The following BTBD1 variants were observed in gnomAD, a reference collection of about 807,000 sequenced individuals.
The protein encoded by BTBD1 is BTB/POZ domain-containing protein 1.
In BTBD1, 34 loss-of-function variants were observed where a neutral mutation model predicts 48.0. The ratio of observed to expected loss-of-function variants is 0.71; its 90% CI spans 0.54 to 0.94. BTBD1 has a LOEUF of 0.94. BTBD1 is among the 40% of genes least tolerant of loss of function. The pLI is 0.00. For synonymous variants in BTBD1, 261 were observed against 242.1 expected (o/e 1.08, Z -0.72); for missense variants, 543 against 625.6 (o/e 0.87, Z 1.41).
intron 3 of BTBD1, chr15:83,044,579 G>C: frequency 1.3e-6 from 2 of 1,597,168 alleles, no homozygotes; most frequent in Non-Finnish European, 1.7e-6. Context: ...TGGGAGAGAA[G>C]TTTGAAGAAA....
At chr15:83,030,028 T>C in intron 5 of BTBD1, 108 bp downstream of exon 5, 1 of 1,021,182 alleles carries the variant, frequency 9.8e-7, no homozygotes, top group Admixed American at 2.1e-5. Context: ...GTGTATTAAA[T>C]GAAGTATAAA....
In BTBD1 at chr15:83,054,532, A is replaced by C. The variant is rs142758486; in HGVS notation, c.558+1857T>G. 2.4e-3 allele frequency among the ~76,000 whole-genome samples: 366 copies of C among 151,514 alleles called. 1 individual carries two copies. The highest frequency in any genetic ancestry group is 6.9e-3 in the Middle Eastern group (2 of 290). On this transcript the variant is annotated intron_variant, in intron 2 of 7. Transcript: ENST00000261721. The stretch of plus-strand genomic sequence containing the variant: ...GTAACTACAAATACCTCATGAGAGA[A>C]GATGTTTTTAAAAGGTACCAAACAT...
At chr15:83,033,668 C>T (rs1425214218) in intron 4 of BTBD1, among the ~76,000 whole-genome samples, 1 of 152,158 alleles carries the variant, frequency 6.6e-6, no homozygotes, top group Non-Finnish European at 1.5e-5. Flanking sequence ...CAGCCTTGAA[C>T]TCCTGGGCTC....
Position 83,052,477 on chromosome 15 carries a change from T to TAATC in BTBD1, c.559-2303_559-2300dup, listed in dbSNP as rs1270270362. On this transcript the variant is annotated intron_variant, in intron 2 of 7. Coordinates refer to ENST00000261721, the MANE Select transcript of BTBD1 (RefSeq NM_025238.4). ...TTAACATCAATACAATATCTTTACCTAATCCACTGGCTGTATTTCAGTTTT... is the reference window on the plus strand; with the variant it reads ...TTAACATCAATACAATATCTTTACCTAATCAATCCACTGGCTGTATTTCAGTTTT... 2.0e-5 allele frequency among the ~76,000 whole-genome samples: 3 copies of TAATC among 152,296 alleles called. No individual in the cohort carries two copies. The East Asian group carries it at 5.8e-4, about 29-fold the overall frequency.
At chr15:83,056,013 G>A (rs1022340350) in intron 2 of BTBD1, among the ~76,000 whole-genome samples, 2 of 151,916 alleles carry the variant, frequency 1.3e-5, no homozygotes, top group Non-Finnish European at 2.9e-5. Flanking sequence ...CAATTCAAGC[G>A]ATTCTTCTGC....
rs1489849330 is a variant in BTBD1, at chr15:83,042,871, G to A, written c.665-946C>T. 2.6e-5 allele frequency among the ~76,000 whole-genome samples: 4 copies of A among 152,208 alleles called. No homozygotes were observed. In the South Asian group the frequency reaches 8.3e-4, roughly 32 times the overall value. On this transcript the variant is annotated intron_variant, in intron 3 of 7. Transcript: ENST00000261721. ...AAAATAGGAAGGGGCCAGGCATGGTGACCCATGCCAGTAGTCCCAGCAATT... is the reference window on the plus strand; with the variant it reads ...AAAATAGGAAGGGGCCAGGCATGGTAACCCATGCCAGTAGTCCCAGCAATT...
Position 83,056,559 on chromosome 15 carries a change from G to A in BTBD1, c.402-14C>T, listed in dbSNP as rs1172905176. The A allele has an allele frequency of 1.2e-6, 2 of 1,610,412 alleles. No homozygotes were observed. The highest frequency in any genetic ancestry group is 1.3e-5 in the African/African-American group (1 of 74,860). ...GAATATAGAAATCTGGAAAACAATT[G>A]GCATATTTGCAGAGATGGTCAGTAA... On this transcript the variant is annotated splice_polypyrimidine_tract_variant and intron_variant, in intron 1 of 7. Coordinates refer to ENST00000261721, the MANE Select transcript of BTBD1 (RefSeq NM_025238.4).
intron 3 of BTBD1, among the ~76,000 whole-genome samples, chr15:83,043,572 G>T (rs1040884969): frequency 2.0e-5 from 3 of 152,208 alleles, no homozygotes; most frequent in African/African-American, 7.2e-5. Context: ...CCAGGTCAGG[G>T]ATGGTGGCCT....
chr15:83,045,975 C>T (rs568412201), intron 3 of BTBD1, among the ~76,000 whole-genome samples: 4 of 152,140 alleles, frequency 2.6e-5, no homozygotes, highest in Admixed American at 2.6e-4. Context: ...CTGTAAGAAA[C>T]AGTATCTCTT....
At chr15:83,021,068 A>G (rs541770686) in intron 5 of BTBD1, among the ~76,000 whole-genome samples, 1 of 152,226 alleles carries the variant, frequency 6.6e-6, no homozygotes, top group African/African-American at 2.4e-5. Flanking sequence ...ATGAACGCAG[A>G]CATCTCAGCC....
At position 83,018,091 on chromosome 15, in the gene BTBD1, A is replaced by C; in HGVS notation, c.1425T>G (p.Ile475Met). ...NNGTSIEDGQ[I>M]PEIIFYT is the part of the protein sequence containing the mutation. Reference sequence around the variant, plus strand: ...ATTATGTATAAAATATGATTTCTGGAATTTGTCCATCTTCTATTGAAGTGC... The same window carrying C: ...ATTATGTATAAAATATGATTTCTGGCATTTGTCCATCTTCTATTGAAGTGC... The change falls in exon 8 of 8, where the codon ATT (isoleucine) becomes ATG (methionine). Residue 475 changes from isoleucine to methionine, a missense_variant. Physicochemically the swap from Ile to Met is conservative, Grantham distance 10. This residue lies in a region of BTBD1 where 300 missense variants were observed against 350.0 expected (regional missense o/e 0.86). Coordinates refer to ENST00000261721, the MANE Select transcript of BTBD1 (RefSeq NM_025238.4). The C allele has an allele frequency of 6.2e-7, 1 of 1,605,542 alleles. No homozygotes were observed. The highest frequency in any genetic ancestry group is 1.3e-5 in the African/African-American group (1 of 74,736).
At chr15:83,056,325 G>A in intron 2 of BTBD1, 64 bp downstream of exon 2, 3 of 1,002,504 alleles carry the variant, frequency 3.0e-6, no homozygotes, top group Non-Finnish European at 4.5e-6. Context: ...AATATTAAAT[G>A]CCCATATATA....
chr15:83,054,354 GA>G (rs374388450), intron 2 of BTBD1, among the ~76,000 whole-genome samples: 1 of 151,466 alleles, frequency 6.6e-6, no homozygotes, highest in Non-Finnish European at 1.5e-5. Flanking sequence ...AGAGAAAAAA[GA>G]AAAAAAGGGA....
At position 83,056,395 on chromosome 15, in the gene BTBD1, A is replaced by C. The variant is rs779275843; in HGVS notation, c.552T>G (p.Leu184=). The change falls in exon 2 of 8, where the codon CTT becomes CTG. Residue 184 remains leucine, a synonymous_variant. Coordinates refer to ENST00000261721, the MANE Select transcript of BTBD1 (RefSeq NM_025238.4). ...CTTAGCTACATTTACTTACCTGAGT[A>C]AGTAACATAAAGGCATTATCTGCCC... The part of the protein sequence containing the change: ...HLRADNAFML[L]TQARLFDEPQ... 1.6e-5 allele frequency: 25 copies of C among 1,612,072 alleles called. No individual in the cohort carries two copies. The East Asian group carries it at 5.6e-4, about 36-fold the overall frequency.
At chr15:83,018,531 G>C (rs1164538356) in intron 7 of BTBD1, among the ~76,000 whole-genome samples, 176 bp downstream of exon 7, 1 of 152,190 alleles carries the variant, frequency 6.6e-6, no homozygotes, top group Non-Finnish European at 1.5e-5. Context: ...ATTTCTTTCA[G>C]AACAGAGCTG....
chr15:83,051,576 G>A (rs545395359), intron 2 of BTBD1, among the ~76,000 whole-genome samples: 1 of 150,914 alleles, frequency 6.6e-6, no homozygotes, highest in East Asian at 1.9e-4. Context: ...TATACACTGA[G>A]CCTGTTTACA....
intron 4 of BTBD1, among the ~76,000 whole-genome samples, chr15:83,033,295 C>T (rs77998253): frequency 6.6e-6 from 1 of 151,944 alleles, no homozygotes; most frequent in Non-Finnish European, 1.5e-5. Flanking sequence ...AGTATCCTAC[C>T]TGTTTTAAAA....
chr15:83,040,841 T>G (rs1431401255), intron 4 of BTBD1, among the ~76,000 whole-genome samples: 2 of 151,886 alleles, frequency 1.3e-5, no homozygotes, highest in Admixed American at 1.3e-4. Context: ...AAAACAGATC[T>G]GTCTGATTTT....
At position 83,027,922 on chromosome 15, in the gene BTBD1, G is replaced by A. The variant is rs188131706; in HGVS notation, c.1055+2214C>T. Among the ~76,000 whole-genome samples the A allele has an allele frequency of 7.6e-3, 1,153 of 152,238 alleles. 10 individuals carry two copies. The highest frequency in any genetic ancestry group is 9.1e-3 in the Non-Finnish European group (622 of 68,020). Reference sequence around the variant, plus strand: ...GCCTTCCAGTGTTGTCCTGCCCAAAGTCTATGTATTGAACTACATATTTTA... The same window carrying A: ...GCCTTCCAGTGTTGTCCTGCCCAAAATCTATGTATTGAACTACATATTTTA... On this transcript the variant is annotated intron_variant, in intron 5 of 7. Coordinates refer to ENST00000261721, the MANE Select transcript of BTBD1 (RefSeq NM_025238.4).
Sources: gnomAD v4.1 joint callset for allele counts (sites outside exome capture counted in the v4.1 genomes callset) on GRCh38, gnomAD v4.1.1 for gene constraint, gnomAD v4.1.1 regional missense constraint, MANE v1.5 for transcripts, NCBI Gene and HGNC (gene_info 2026-07-23, HGNC 2026-07-21) for gene names.